Variants in GALNT17 observed in about 807,000 individuals in gnomAD.
GALNT17 encodes the protein polypeptide N-acetylgalactosaminyltransferase 17, also known as UDP-GalNAc:polypeptide N-acetylgalactosaminyltransferase-like 3.
In GALNT17, 29 loss-of-function variants were observed where a neutral mutation model predicts 63.7. That is an observed-to-expected ratio of 0.46 (90% CI 0.34 to 0.62). The LOEUF (loss-of-function observed/expected upper bound fraction) is 0.62, where lower values mean the gene tolerates loss of function less well. Ranked by LOEUF, GALNT17 falls within the 20% of genes least tolerant of loss-of-function variation. The pLI is 0.01. For missense variants in GALNT17, 603 were observed against 799.6 expected, an observed-to-expected ratio of 0.75 and a Z score of 2.97; for synonymous variants, 305 against 318.3, an observed-to-expected ratio of 0.96 and a Z score of 0.45.
chr7:71,593,729 A>G (rs529609978), intron 6 of GALNT17, among the ~76,000 whole-genome samples: 1 of 152,304 alleles, frequency 6.6e-6, no homozygotes, highest in Admixed American at 6.5e-5. Flanking sequence ...TTCCCTTTTG[A>G]AAATCTAAAA....
chr7:71,694,468 C>T (rs1485573462), intron 9 of GALNT17, among the ~76,000 whole-genome samples: 1 of 151,302 alleles, frequency 6.6e-6, no homozygotes, highest in Non-Finnish European at 1.5e-5. Context: ...AGCAATTCTC[C>T]TGCTGCAGCC....
chr7:71,525,016 T>A (rs1359881860), intron 5 of GALNT17, among the ~76,000 whole-genome samples: 1 of 152,198 alleles, frequency 6.6e-6, no homozygotes, highest in Non-Finnish European at 1.5e-5. Flanking sequence ...CTTCTTTTAT[T>A]GGTTTTTATC....
At chr7:71,374,893 G>A (rs1792692909) in intron 2 of GALNT17, among the ~76,000 whole-genome samples, 3 of 147,042 alleles carry the variant, frequency 2.0e-5, no homozygotes, top group South Asian at 4.3e-4. Context: ...AGGCTGGAGT[G>A]CAGTGGCGCA....
chr7:71,207,721 T>C (rs1398696345), intron 1 of GALNT17, among the ~76,000 whole-genome samples: 1 of 152,168 alleles, frequency 6.6e-6, no homozygotes, highest in Non-Finnish European at 1.5e-5. Flanking sequence ...ACCCACTCAC[T>C]GGTCCTTGGG....
At chr7:71,679,750 T>A (rs1279400805) in intron 9 of GALNT17, among the ~76,000 whole-genome samples, 1 of 151,948 alleles carries the variant, frequency 6.6e-6, no homozygotes, top group Non-Finnish European at 1.5e-5. Context: ...GCCTGCACGC[T>A]GCAGTGGGCA....
At chr7:71,370,402 G>C (rs112033830) in intron 2 of GALNT17, among the ~76,000 whole-genome samples, 1 of 152,096 alleles carries the variant, frequency 6.6e-6, no homozygotes. Context: ...GGGCTCAAGC[G>C]ATCCTCCTGC....
chr7:71,619,754 CT>C (rs1464452859), intron 6 of GALNT17, among the ~76,000 whole-genome samples: 2 of 152,110 alleles, frequency 1.3e-5, no homozygotes, highest in Non-Finnish European at 2.9e-5. Context: ...ATCATTGGAT[CT>C]TTTTTTCCTG....
Position 71,571,294 on chromosome 7 carries a change from C to G in GALNT17, c.972C>G (p.Ala324=). ...GDPSLPIRTP[A]MIGCSFVVNR... ...TTTCTCCCTCCCTCAGGACCCCAGC[C>G]ATGATAGGCTGCTCGTTCGTGGTCA... is the stretch of plus-strand genomic sequence containing the variant. Residue 324 remains alanine (A), a synonymous_variant, in exon 6 of 11, where the codon GCC becomes GCG. Transcript: ENST00000333538. 1.9e-6 allele frequency: 3 copies of G among 1,614,012 alleles called. No homozygotes were observed. Among genetic ancestry groups the G allele is most frequent in the Non-Finnish European group, 2.5e-6 (3 of 1,179,922 alleles).
chr7:71,500,421 C>G (rs374032386), intron 5 of GALNT17, among the ~76,000 whole-genome samples: 9 of 152,204 alleles, frequency 5.9e-5, no homozygotes, highest in African/African-American at 2.2e-4. Flanking sequence ...TGATCCTCCA[C>G]CTACCACCAT....
chr7:71,574,532 G>A (rs1789503059), intron 6 of GALNT17, among the ~76,000 whole-genome samples: 1 of 152,220 alleles, frequency 6.6e-6, no homozygotes, highest in Non-Finnish European at 1.5e-5. Flanking sequence ...CAGGCTGCAA[G>A]GTGATCTTGA....
chr7:71,701,761 ATGTGTATATATATGTGTG>A, intron 9 of GALNT17, among the ~76,000 whole-genome samples: 1 of 26,256 alleles, frequency 3.8e-5, no homozygotes, highest in South Asian at 1.6e-3. Flanking sequence ...ATGTATATAT[ATGTGTATATATATGTGTG>A]TGTGTATATA....
intron 1 of GALNT17, among the ~76,000 whole-genome samples, chr7:71,288,096 G>T (rs1790908022): frequency 2.0e-5 from 3 of 147,938 alleles, no homozygotes; most frequent in South Asian, 4.3e-4. Flanking sequence ...CACACCTGTA[G>T]TCCCAGCTAC....
chr7:71,226,266 A>T (rs1789678238), intron 1 of GALNT17, among the ~76,000 whole-genome samples: 1 of 152,162 alleles, frequency 6.6e-6, no homozygotes, highest in African/African-American at 2.4e-5. Flanking sequence ...TAAGGTCTTA[A>T]GTGTCTGTGG....
chr7:71,419,395 G>C (rs906940574), intron 4 of GALNT17, among the ~76,000 whole-genome samples: 1 of 151,940 alleles, frequency 6.6e-6, no homozygotes, highest in Non-Finnish European at 1.5e-5. Flanking sequence ...ATTATCTTGG[G>C]GGTTGCATTA....
intron 1 of GALNT17, among the ~76,000 whole-genome samples, chr7:71,168,475 G>A (rs577270297): frequency 7.4e-4 from 113 of 152,150 alleles, no homozygotes; most frequent in African/African-American, 2.6e-3. Flanking sequence ...AGGAGGCTGA[G>A]GCAGGAGAAT....
chr7:71,539,502 C>T (rs560901520), intron 5 of GALNT17, among the ~76,000 whole-genome samples: 50 of 152,216 alleles, frequency 3.3e-4, no homozygotes, highest in Middle Eastern at 6.8e-3. Context: ...TGTGCGTGCA[C>T]GTGTACAGGT....
At chr7:71,355,493 CATT>C (rs147496706) in intron 2 of GALNT17, among the ~76,000 whole-genome samples, 4,740 of 151,648 alleles carry the variant, frequency 0.031, 241 homozygotes, top group African/African-American at 0.11. Context: ...TTTTTAAAAA[CATT>C]ATTAATAATT....
At chr7:71,355,470 G>T (rs7790686) in intron 2 of GALNT17, among the ~76,000 whole-genome samples, 21,409 of 151,800 alleles carry the variant, frequency 0.14, 1,746 homozygotes, top group East Asian at 0.38. Context: ...TTTGAAATTT[G>T]CAGATGGATA....
intron 2 of GALNT17, among the ~76,000 whole-genome samples, chr7:71,364,606 T>G (rs1465968133): frequency 1.3e-5 from 2 of 152,176 alleles, no homozygotes; most frequent in Admixed American, 6.5e-5. Flanking sequence ...CCGTTTTCAA[T>G]GACTCATTAA....
Sources: gnomAD v4.1 joint callset for allele counts (sites outside exome capture counted in the v4.1 genomes callset) on GRCh38, gnomAD v4.1.1 for gene constraint, MANE v1.5 for transcripts, NCBI Gene and HGNC (gene_info 2026-07-23, HGNC 2026-07-21) for gene names.